The following ARHGAP18 variants were observed in gnomAD, a reference collection of about 807,000 sequenced individuals.
ARHGAP18 encodes rho GTPase-activating protein 18.
A neutral mutation model predicts 86.2 loss-of-function variants in ARHGAP18; 67 were observed. The observed-to-expected ratio is 0.78, with a 90% CI of 0.64 to 0.95. The LOEUF (loss-of-function observed/expected upper bound fraction) is 0.95, where lower values mean the gene tolerates loss of function less well. ARHGAP18 is among the 40% of genes least tolerant of loss of function. The pLI is 0.00. For synonymous variants in ARHGAP18, 283 were observed against 280.4 expected, an observed-to-expected ratio of 1.01 and a Z score of -0.09; for missense variants, 691 against 780.4, an observed-to-expected ratio of 0.89 and a Z score of 1.37.
At chr6:129,678,016 C>T (rs991384638) in intron 1 of ARHGAP18, among the ~76,000 whole-genome samples, 3 of 152,214 alleles carry the variant, frequency 2.0e-5, no homozygotes, top group African/African-American at 7.2e-5. Context: ...TGAGTATCAT[C>T]CATATTTTCT....
intron 1 of ARHGAP18, among the ~76,000 whole-genome samples, chr6:129,709,435 A>G (rs1185028405): frequency 6.6e-6 from 1 of 152,242 alleles, no homozygotes; most frequent in Non-Finnish European, 1.5e-5. Context: ...GCAGAGTGCT[A>G]TCTCCTGACA....
intron 12 of ARHGAP18, among the ~76,000 whole-genome samples, chr6:129,587,063 T>C (rs1247110307): frequency 6.6e-6 from 1 of 152,246 alleles, no homozygotes; most frequent in Non-Finnish European, 1.5e-5. Context: ...TCAATGTTTA[T>C]TGATTAAATG....
At chr6:129,613,443 G>A (rs1276242263) in intron 7 of ARHGAP18, among the ~76,000 whole-genome samples, 2 of 152,070 alleles carry the variant, frequency 1.3e-5, no homozygotes, top group Admixed American at 1.3e-4. Flanking sequence ...CTTATAAAAT[G>A]TTTAAAATGT....
At chr6:129,697,687 A>C (rs1774643056) in intron 1 of ARHGAP18, among the ~76,000 whole-genome samples, 1 of 152,228 alleles carries the variant, frequency 6.6e-6, no homozygotes, top group Non-Finnish European at 1.5e-5. Context: ...ATTACACTAT[A>C]ATAGAAAATA....
intron 13 of ARHGAP18, among the ~76,000 whole-genome samples, chr6:129,582,700 C>T (rs1788313511): frequency 6.6e-6 from 1 of 152,208 alleles, no homozygotes; most frequent in Admixed American, 6.5e-5. Context: ...ATCTATGATG[C>T]TCTGTAGATC....
rs1269706399 is a variant in ARHGAP18, at chr6:129,608,071, A to G, written c.1123-19T>C. 3.4e-6 allele frequency: 5 copies of G among 1,481,606 alleles called. No individual in the cohort carries two copies. Among genetic ancestry groups the G allele is most frequent in the South Asian group, 2.6e-5 (2 of 76,934 alleles). 91.8% of individuals were successfully genotyped at this position (1,481,606 alleles called of 1,614,324 possible). A position where few individuals can be genotyped will look rare whatever the true frequency, so the allele number is the denominator to read the frequency against. ...AAAGATTCTGATAGGCACGAAAAAA[A>G]AAAAAAAAAAAAAAAGAAGCAGCTA... On this transcript the variant is annotated intron_variant, in intron 8 of 14. Coordinates refer to ENST00000368149, the MANE Select transcript of ARHGAP18 (RefSeq NM_033515.3).
chr6:129,624,617 C>T (rs1789301716), intron 5 of ARHGAP18, among the ~76,000 whole-genome samples: 1 of 151,608 alleles, frequency 6.6e-6, no homozygotes, highest in Non-Finnish European at 1.5e-5. Context: ...TACTCTTTTA[C>T]TTTTCCCATT....
intron 1 of ARHGAP18, among the ~76,000 whole-genome samples, chr6:129,659,510 C>T: frequency 6.6e-6 from 1 of 151,968 alleles, no homozygotes; most frequent in Admixed American, 6.6e-5. Context: ...CACTGTCACC[C>T]AGGCTGGAGT....
At chr6:129,705,901 T>C (rs754129297) in intron 1 of ARHGAP18, among the ~76,000 whole-genome samples, 23 of 152,116 alleles carry the variant, frequency 1.5e-4, no homozygotes, top group Admixed American at 1.4e-3. Context: ...CCCAGACAGG[T>C]TGGCCCCAGA....
intron 2 of ARHGAP18, among the ~76,000 whole-genome samples, chr6:129,638,933 A>T (rs1773389808): frequency 6.6e-6 from 1 of 152,218 alleles, no homozygotes; most frequent in Non-Finnish European, 1.5e-5. Context: ...GCAAAGAATA[A>T]AAAGATAACT....
At chr6:129,638,659 A>C (rs748856674) in intron 2 of ARHGAP18, 30 bp from the exon 3 acceptor site, 3 of 1,577,280 alleles carry the variant, frequency 1.9e-6, no homozygotes, top group Non-Finnish European at 2.6e-6. Flanking sequence ...TGGTACTTAA[A>C]TCACAAAATA....
chr6:129,598,642 A>T (rs966122348), intron 12 of ARHGAP18, among the ~76,000 whole-genome samples: 2 of 152,162 alleles, frequency 1.3e-5, no homozygotes, highest in African/African-American at 4.8e-5. Flanking sequence ...ACAGATATTT[A>T]GGTATTTCTT....
intron 1 of ARHGAP18, among the ~76,000 whole-genome samples, chr6:129,670,681 C>T (rs1774126379): frequency 7.1e-6 from 1 of 140,602 alleles, no homozygotes; most frequent in South Asian, 2.2e-4. Context: ...TATGTGAAGT[C>T]GTAACTCTTT....
At chr6:129,647,796 AC>A (rs1773611416) in intron 1 of ARHGAP18, among the ~76,000 whole-genome samples, 3 of 152,294 alleles carry the variant, frequency 2.0e-5, no homozygotes, top group South Asian at 4.1e-4. Context: ...ATGCTATTGC[AC>A]CTCAGAGATT....
intron 1 of ARHGAP18, among the ~76,000 whole-genome samples, chr6:129,651,766 T>A (rs1773715767): frequency 6.6e-6 from 1 of 152,232 alleles, no homozygotes; most frequent in Non-Finnish European, 1.5e-5. Flanking sequence ...AATTAATTCC[T>A]GAGATTTAGA....
At chr6:129,585,832 A>G (rs1389852869) in intron 12 of ARHGAP18, among the ~76,000 whole-genome samples, 1 of 152,094 alleles carries the variant, frequency 6.6e-6, no homozygotes, top group Non-Finnish European at 1.5e-5. Context: ...CCAACCTCCC[A>G]ATTCCAAGCC....
intron 5 of ARHGAP18, among the ~76,000 whole-genome samples, chr6:129,624,219 G>A (rs1411206722): frequency 6.6e-6 from 1 of 152,144 alleles, no homozygotes; most frequent in African/African-American, 2.4e-5. Flanking sequence ...ATTTTGTGAT[G>A]AAGACTGTCA....
intron 2 of ARHGAP18, among the ~76,000 whole-genome samples, chr6:129,640,128 C>T (rs1490699087): frequency 6.8e-6 from 1 of 146,774 alleles, no homozygotes; most frequent in Non-Finnish European, 1.5e-5. Flanking sequence ...GTGTATAAAA[C>T]CAGATTGCCA....
intron 1 of ARHGAP18, among the ~76,000 whole-genome samples, chr6:129,698,647 T>C (rs1032236491): frequency 2.6e-5 from 4 of 151,418 alleles, no homozygotes; most frequent in African/African-American, 9.7e-5. Context: ...GTTCAAGCCA[T>C]TCTCCTGCCT....
Sources: gnomAD v4.1 joint callset for allele counts (sites outside exome capture counted in the v4.1 genomes callset) on GRCh38, gnomAD v4.1.1 for gene constraint, MANE v1.5 for transcripts, NCBI Gene and HGNC (gene_info 2026-07-23, HGNC 2026-07-21) for gene names.